TMCO1: variants seen among roughly 807,000 people sequenced by gnomAD.
TMCO1 encodes calcium load-activated calcium channel.
Under a neutral mutation model 29.3 loss-of-function variants are expected in TMCO1, and 29 were observed. That is an observed-to-expected ratio of 0.99 (90% confidence interval 0.74 to 1.35). The LOEUF (loss-of-function observed/expected upper bound fraction) is 1.35, where lower values mean the gene tolerates loss of function less well. Ranked by LOEUF, TMCO1 falls within the 40% of genes most tolerant of loss-of-function variation. The probability of loss-of-function intolerance (pLI) is 0.00; values close to 1 mark genes in which losing one functional copy is unlikely to be tolerated. For missense variants in TMCO1, 173 were observed against 225.5 expected, an observed-to-expected ratio of 0.77 and a Z score of 1.49; for synonymous variants, 80 against 77.1, an observed-to-expected ratio of 1.04 and a Z score of -0.20.
At chr1:165,748,186 A>C (rs781307164) in intron 5 of TMCO1, among the ~76,000 whole-genome samples, 2 of 152,084 alleles carry the variant, frequency 1.3e-5, no homozygotes, top group Non-Finnish European at 2.9e-5. Flanking sequence ...TAAAAGGGTA[A>C]CATATATAAA....
intron 5 of TMCO1, among the ~76,000 whole-genome samples, chr1:165,747,121 C>T (rs553765503): frequency 2.0e-5 from 3 of 151,982 alleles, no homozygotes; most frequent in African/African-American, 7.2e-5. Context: ...ATAAGCCAGG[C>T]GTAGTGATGC....
In TMCO1 at chr1:165,768,806, A is replaced by C. The variant is rs758097129; in HGVS notation, c.-55T>G. On this transcript the variant is annotated 5_prime_UTR_variant, in exon 1 of 7. Coordinates refer to ENST00000367881, the MANE Select transcript of TMCO1 (RefSeq NM_019026.6). Reference sequence around the variant, plus strand: ...GCCAGGGGGAAAGCGCTCTACAGCCAGGAAAAGTGAAGCGAAAACGGCTTC... The same window carrying C: ...GCCAGGGGGAAAGCGCTCTACAGCCCGGAAAAGTGAAGCGAAAACGGCTTC... The C allele has an allele frequency of 1.2e-5, 20 of 1,612,678 alleles. No homozygotes were observed. The highest frequency in any genetic ancestry group is 6.6e-5 in the South Asian group (6 of 90,838).
Position 165,726,930 on chromosome 1 carries a change from G to A in TMCO1, c.*1093C>T, listed in dbSNP as rs939615999. 1 of 454,036 alleles carries A rather than the reference G, an allele frequency of 2.2e-6. No individual in the cohort carries two copies. The highest frequency in any genetic ancestry group is 6.9e-5 in the East Asian group (1 of 14,402). The allele number at this position is 454,036 out of a possible 1,614,324, so 28.1% of individuals were successfully genotyped here. A position where few individuals can be genotyped will look rare whatever the true frequency, so the allele number is the denominator to read the frequency against. On this transcript the variant is annotated 3_prime_UTR_variant, in exon 7 of 7. Transcript: ENST00000367881. Reference sequence around the variant, plus strand: ...ACTTTATGGTGCTGATAAGAAAGAAGTTTGCTGTTGGTTTAACAATGATTA... The same window carrying A: ...ACTTTATGGTGCTGATAAGAAAGAAATTTGCTGTTGGTTTAACAATGATTA...
At chr1:165,741,860 G>A (rs547260039) in intron 6 of TMCO1, among the ~76,000 whole-genome samples, 3 of 152,326 alleles carry the variant, frequency 2.0e-5, no homozygotes, top group Admixed American at 1.3e-4. Flanking sequence ...CTTGCCATGT[G>A]ACATGCCTGC....
At chr1:165,763,668 G>T (rs985805537) in intron 2 of TMCO1, among the ~76,000 whole-genome samples, 1 of 152,158 alleles carries the variant, frequency 6.6e-6, no homozygotes, top group African/African-American at 2.4e-5. Flanking sequence ...ACCTAGGCTG[G>T]AATGCAGTGG....
At chr1:165,764,927 G>A (rs1004075792) in intron 2 of TMCO1, among the ~76,000 whole-genome samples, 1 of 152,170 alleles carries the variant, frequency 6.6e-6, no homozygotes, top group African/African-American at 2.4e-5. Context: ...AGGTGGTGAT[G>A]GGAGAAATGA....
At chr1:165,743,864 CTTT>C (rs1173483545) in intron 5 of TMCO1, among the ~76,000 whole-genome samples, 4 of 141,564 alleles carry the variant, frequency 2.8e-5, no homozygotes, top group Admixed American at 7.1e-5. Flanking sequence ...CTGATAATTC[CTTT>C]TTTTTTTTTT....
Position 165,728,137 on chromosome 1 carries a change from A to G in TMCO1, c.469-16T>C, listed in dbSNP as rs375742777. On this transcript the variant is annotated splice_polypyrimidine_tract_variant and intron_variant, in intron 6 of 6. Transcript: ENST00000367881. The stretch of plus-strand genomic sequence containing the variant: ...TCTGAATGTTCTGTGAAGAAAGCAC[A>G]GTAAGGATTGGGTTTTAATATCAAA... The G allele has an allele frequency of 3.1e-6, 5 of 1,598,638 alleles. No individual in the cohort carries two copies. The African/African-American group carries it at 4.0e-5, about 13-fold the overall frequency.
chr1:165,747,595 G>A (rs1358565211), intron 5 of TMCO1, among the ~76,000 whole-genome samples: 1 of 152,182 alleles, frequency 6.6e-6, no homozygotes, highest in Non-Finnish European at 1.5e-5. Context: ...TTAAAACAGA[G>A]TACGTAGTAG....
chr1:165,758,380 A>G (rs1163481743), intron 3 of TMCO1, among the ~76,000 whole-genome samples: 1 of 152,048 alleles, frequency 6.6e-6, no homozygotes, highest in Non-Finnish European at 1.5e-5. Context: ...ACATGGCAAA[A>G]TCCCGTCTCT....
downstream of TMCO1, chr1:165,726,360 A>C (rs17418403): frequency 0.023 from 14,016 of 622,202 alleles, 231 homozygotes; most frequent in Non-Finnish European, 0.028. Context: ...TAAGGAGAAC[A>C]AAAAAAAAGA....
intron 5 of TMCO1, among the ~76,000 whole-genome samples, chr1:165,745,749 C>T (rs553701663): frequency 6.6e-6 from 1 of 152,062 alleles, no homozygotes; most frequent in African/African-American, 2.4e-5. Flanking sequence ...ATTTCATATG[C>T]CAGTTTATAA....
intron 6 of TMCO1, among the ~76,000 whole-genome samples, chr1:165,729,380 G>A (rs1375575737): frequency 4.7e-5 from 7 of 149,808 alleles, no homozygotes; most frequent in East Asian, 3.9e-4. Flanking sequence ...ACAGTGGCAC[G>A]ATGTCGGCTC....
chr1:165,766,138 A>C (rs533532434), intron 2 of TMCO1, among the ~76,000 whole-genome samples: 1 of 152,338 alleles, frequency 6.6e-6, no homozygotes, highest in Admixed American at 6.5e-5. Flanking sequence ...GAAGAGTAAA[A>C]GATAACTACA....
chr1:165,744,738 C>T (rs1571219127), intron 5 of TMCO1, among the ~76,000 whole-genome samples: 1 of 144,458 alleles, frequency 6.9e-6, no homozygotes, highest in Non-Finnish European at 1.5e-5. Context: ...TGTGGTGAGC[C>T]GAGATCATGC....
In TMCO1 at chr1:165,768,853, G is replaced by A. The variant is rs1411818361; in HGVS notation, c.-102C>T. 1.3e-6 allele frequency: 2 copies of A among 1,577,708 alleles called. No individual in the cohort carries two copies. Among genetic ancestry groups the A allele is most frequent in the Non-Finnish European group, 1.7e-6 (2 of 1,160,852 alleles). ...CTTCCGTAGACTCCGCCACCACCGA[G>A]TAACAGACCAACTCTGACAGCCCGA... On this transcript the variant is annotated 5_prime_UTR_variant, in exon 1 of 7. Transcript: ENST00000367881.
intron 3 of TMCO1, among the ~76,000 whole-genome samples, chr1:165,757,004 T>G (rs2101811160): frequency 6.6e-6 from 1 of 152,240 alleles, no homozygotes; most frequent in Non-Finnish European, 1.5e-5. Context: ...TGAGCAAATC[T>G]CATGATTTTC....
At position 165,752,096 on chromosome 1, in the gene TMCO1, ACT is replaced by A. The variant is rs1297432411; in HGVS notation, c.323+4_323+5del. The A allele has an allele frequency of 1.2e-6, 2 of 1,607,732 alleles. No homozygotes were observed. The highest frequency in any genetic ancestry group is 1.1e-5 in the South Asian group (1 of 90,906). On this transcript the variant is annotated splice_donor_5th_base_variant and intron_variant, in intron 5 of 6. Coordinates refer to ENST00000367881, the MANE Select transcript of TMCO1 (RefSeq NM_019026.6). ...ATTAGTCAAAAGCATATAAAAGGAC[ACT>A]CACATGGAATTGAACATTCCCATTA...
intron 2 of TMCO1, among the ~76,000 whole-genome samples, 155 bp downstream of exon 2, chr1:165,768,037 G>A (rs1005747806): frequency 6.6e-6 from 1 of 152,114 alleles, no homozygotes; most frequent in Non-Finnish European, 1.5e-5. Context: ...CCTCTAGTTG[G>A]TATTACACAT....
Sources: gnomAD v4.1 joint callset for allele counts (sites outside exome capture counted in the v4.1 genomes callset) on GRCh38, gnomAD v4.1.1 for gene constraint, MANE v1.5 for transcripts, NCBI Gene and HGNC (gene_info 2026-07-23, HGNC 2026-07-21) for gene names.